The following FAM193A variants were observed in gnomAD, a reference collection of about 807,000 sequenced individuals.
FAM193A encodes the protein family with sequence similarity 193 member A.
FAM193A carries 22 observed loss-of-function variants against 126.5 expected under a neutral mutation model. The ratio of observed to expected loss-of-function variants is 0.17; its 90% CI spans 0.12 to 0.25. FAM193A has a LOEUF of 0.25. Ranked by LOEUF, FAM193A falls within the 10% of genes least tolerant of loss-of-function variation. The pLI, the probability that FAM193A is intolerant of heterozygous loss-of-function variation, is 1.00. For missense variants in FAM193A, 1,675 were observed against 1,672.8 expected, an observed-to-expected ratio of 1.00 and a Z score of -0.02; for synonymous variants, 761 against 646.8, an observed-to-expected ratio of 1.18 and a Z score of -2.68.
At chr4:2,719,108 A>T (rs180827239) in intron 20 of FAM193A, among the ~76,000 whole-genome samples, 1 of 152,332 alleles carries the variant, frequency 6.6e-6, no homozygotes, top group East Asian at 1.9e-4. Context: ...AAATTCTGAT[A>T]CCAAAATCTG....
intron 2 of FAM193A, among the ~76,000 whole-genome samples, chr4:2,605,769 C>T (rs767664082): frequency 2.6e-5 from 4 of 151,954 alleles, no homozygotes; most frequent in African/African-American, 2.4e-5. Context: ...GTCAGGAGTT[C>T]GAGACCAGCC....
chr4:2,592,826 T>G (rs553682488), intron 1 of FAM193A, among the ~76,000 whole-genome samples: 1 of 152,194 alleles, frequency 6.6e-6, no homozygotes, highest in East Asian at 1.9e-4. Context: ...CACATGCCTG[T>G]GGGGAAGCTC....
rs184599255 is a variant in FAM193A at position 2,721,267 on chromosome 4, T to G, written c.4454+5163T>G. Among the ~76,000 whole-genome samples the G allele has an allele frequency of 6.0e-5, 8 of 133,566 alleles. 1 individual carries two copies. The East Asian group carries it at 1.5e-3, about 25-fold the overall frequency. 87.6% of individuals were successfully genotyped at this position (133,566 alleles called of 152,430 possible). A position where few individuals can be genotyped will look rare whatever the true frequency, so the allele number is the denominator to read the frequency against. Reference sequence around the variant, plus strand: ...GGCAGAGCTTGCAGTGAGCCGAGATTGCACCACTGCACTCCAGCCTGGGCA... The same window carrying G: ...GGCAGAGCTTGCAGTGAGCCGAGATGGCACCACTGCACTCCAGCCTGGGCA... On this transcript the variant is annotated intron_variant, in intron 20 of 20. Transcript: ENST00000637812.
In FAM193A at chr4:2,552,091, A is replaced by G. The variant is rs201682837; in HGVS notation, c.255+14921A>G. ...CAGTGGCTGGATCTCGGCTCACTGCAAGCTCCGCCTCCTGGGTTTACGCCA... is the reference window on the plus strand; with the variant it reads ...CAGTGGCTGGATCTCGGCTCACTGCGAGCTCCGCCTCCTGGGTTTACGCCA... On this transcript the variant is annotated intron_variant, in intron 1 of 20. Transcript: ENST00000637812. Among the ~76,000 whole-genome samples, 10 of 146,698 alleles carry G rather than the reference A, an allele frequency of 6.8e-5. No homozygotes were observed. In the East Asian group the frequency reaches 2.0e-3, roughly 30 times the overall value.
At chr4:2,617,243 TATATATA>T (rs1560484770) in intron 2 of FAM193A, among the ~76,000 whole-genome samples, 1 of 43,244 alleles carries the variant, frequency 2.3e-5, no homozygotes, top group African/African-American at 2.3e-4. Context: ...GTTTTTATTA[TATATATA>T]TATATATATA....
chr4:2,631,122 G>A lies in FAM193A; in HGVS notation c.991G>A (p.Ala331Thr), dbSNP rs556150749. ...CTCCCTCCTGCTTGAGGAGTACGGC[G>A]CCCTCTGCCAGGCCGCACGCTCCAT... ...FISLLLEEYG[A>T]LCQAARSIST... is the part of the protein sequence containing the mutation. The change falls in exon 5 of 21, where the codon GCC becomes ACC. Residue 331 changes from alanine to threonine, a missense_variant. Around this residue, in one of 4 missense-constraint regions of FAM193A, gnomAD observed 1,186 missense variants for 1,109.2 expected, o/e 1.07. Coordinates refer to ENST00000637812, the MANE Select transcript of FAM193A (RefSeq NM_001366318.2). 20 of 1,613,486 alleles carry A rather than the reference G, an allele frequency of 1.2e-5. No homozygotes were observed. The highest frequency in any genetic ancestry group is 9.3e-5 in the African/African-American group (7 of 75,038).
chr4:2,669,709 G>C (rs1282586971), intron 12 of FAM193A, among the ~76,000 whole-genome samples: 1 of 152,158 alleles, frequency 6.6e-6, no homozygotes, highest in Non-Finnish European at 1.5e-5. Context: ...CTATACCCAG[G>C]GTCCCCACAC....
intron 20 of FAM193A, among the ~76,000 whole-genome samples, chr4:2,717,057 G>A (rs778594597): frequency 6.6e-6 from 1 of 151,970 alleles, no homozygotes; most frequent in Non-Finnish European, 1.5e-5. Flanking sequence ...TGGGCTCACT[G>A]CAATCCCCAC....
intron 4 of FAM193A, among the ~76,000 whole-genome samples, chr4:2,628,176 G>A (rs1454233472): frequency 2.7e-5 from 4 of 150,882 alleles, no homozygotes; most frequent in African/African-American, 7.3e-5. Context: ...GAGCCACCGC[G>A]CCCCGCCGGG....
chr4:2,650,400 T>C (rs1336658744), intron 7 of FAM193A, among the ~76,000 whole-genome samples: 2 of 152,186 alleles, frequency 1.3e-5, no homozygotes, highest in Non-Finnish European at 2.9e-5. Context: ...GGAAAGACCT[T>C]GAGAAGGAAA....
intron 7 of FAM193A, among the ~76,000 whole-genome samples, chr4:2,650,496 C>T (rs573138567): frequency 1.3e-5 from 2 of 152,300 alleles, no homozygotes; most frequent in Admixed American, 6.5e-5. Flanking sequence ...TCTGGCCTCA[C>T]GGGTGCGGTA....
rs1736923575 is a variant in FAM193A, at chr4:2,537,118, C to T, written c.203C>T (p.Pro68Leu). 5.7e-6 allele frequency: 1 copy of T among 175,898 alleles called. No homozygotes were observed. The highest frequency in any genetic ancestry group is 1.3e-4 in the East Asian group (1 of 7,834). 10.9% of individuals were successfully genotyped at this position (175,898 alleles called of 1,614,324 possible). A position where few individuals can be genotyped will look rare whatever the true frequency, so the allele number is the denominator to read the frequency against. The change falls in exon 1 of 21, where the codon CCT (proline) becomes CTT (leucine). Residue 68 changes from proline to leucine, a missense_variant. Physicochemically the swap from Pro to Leu is moderately conservative, Grantham distance 98. Coordinates refer to ENST00000637812, the MANE Select transcript of FAM193A (RefSeq NM_001366318.2). ...LVGGAAAANGPLGAGASAGGA... is the reference protein window; with the variant it reads ...LVGGAAAANGLLGAGASAGGA... ...GGCGGCGCGGCGGCGGCCAACGGGC[C>T]TCTCGGCGCGGGCGCGAGCGCGGGC...
At chr4:2,701,096 G>A (rs1161571119) in intron 19 of FAM193A, among the ~76,000 whole-genome samples, 3 of 151,918 alleles carry the variant, frequency 2.0e-5, no homozygotes, top group African/African-American at 7.3e-5. Context: ...CTGGACAGAA[G>A]GAGAGTCACT....
intron 4 of FAM193A, among the ~76,000 whole-genome samples, chr4:2,628,952 A>G (rs1239069127): frequency 6.6e-6 from 1 of 150,506 alleles, no homozygotes; most frequent in Non-Finnish European, 1.5e-5. Flanking sequence ...TGGCGGGTTC[A>G]TGCCATTCTC....
rs544539480 is a variant in FAM193A at position 2,601,869 on chromosome 4, C to T, written c.501+5540C>T. On this transcript the variant is annotated intron_variant, in intron 2 of 20. Coordinates refer to ENST00000637812, the MANE Select transcript of FAM193A (RefSeq NM_001366318.2). ...TATTATTATTTTTAAGATAGATTCTCGCTCTGTTGCCCAGGCCGGAATGCA... is the reference window on the plus strand; with the variant it reads ...TATTATTATTTTTAAGATAGATTCTTGCTCTGTTGCCCAGGCCGGAATGCA... Among the ~76,000 whole-genome samples the T allele has an allele frequency of 7.2e-5, 11 of 152,154 alleles. No individual in the cohort carries two copies. The South Asian group carries it at 1.5e-3, about 20-fold the overall frequency.
intron 2 of FAM193A, among the ~76,000 whole-genome samples, chr4:2,611,029 G>A (rs566270007): frequency 6.6e-6 from 1 of 152,104 alleles, no homozygotes; most frequent in Non-Finnish European, 1.5e-5. Context: ...GAGCCACCGT[G>A]CCCGGCCGAG....
At chr4:2,702,577 C>T (rs1717853354) in intron 19 of FAM193A, among the ~76,000 whole-genome samples, 1 of 152,278 alleles carries the variant, frequency 6.6e-6, no homozygotes, top group African/African-American at 2.4e-5. Context: ...ACACTAATTG[C>T]TATGTACAAG....
At chr4:2,577,422 GTTTTT>G (rs986931980) in intron 1 of FAM193A, among the ~76,000 whole-genome samples, 3 of 115,542 alleles carry the variant, frequency 2.6e-5, no homozygotes, top group African/African-American at 1.0e-4. Flanking sequence ...TTTTTTTTTT[GTTTTT>G]TTTTTTTTTG....
chr4:2,685,608 G>A (rs923590931), intron 13 of FAM193A, among the ~76,000 whole-genome samples: 1 of 152,222 alleles, frequency 6.6e-6, no homozygotes, highest in Admixed American at 6.5e-5. Context: ...GAAATACAGA[G>A]AGTCTGTCAT....
Sources: gnomAD v4.1 joint callset for allele counts (sites outside exome capture counted in the v4.1 genomes callset) on GRCh38, gnomAD v4.1.1 for gene constraint, gnomAD v4.1.1 regional missense constraint, MANE v1.5 for transcripts, NCBI Gene and HGNC (gene_info 2026-07-23, HGNC 2026-07-21) for gene names.